Variants in PLB1 observed in about 807,000 individuals in gnomAD.
The protein encoded by PLB1 is phospholipase B1, also known as phospholipase B1, membrane-associated.
PLB1 carries 242 observed loss-of-function variants against 227.4 expected under a neutral mutation model. That is an observed-to-expected ratio of 1.06 (90% confidence interval 0.96 to 1.18). The LOEUF is 1.18. Ranked by LOEUF, PLB1 falls within the 50% of genes most tolerant of loss-of-function variation. The probability of loss-of-function intolerance (pLI) is 0.00; values close to 1 mark genes in which losing one functional copy is unlikely to be tolerated. For synonymous variants in PLB1, 757 were observed against 682.2 expected (o/e 1.11, Z -1.71); for missense variants, 1,858 against 1,816.3 (o/e 1.02, Z -0.42).
Position 28,598,756 on chromosome 2 carries a change from G to A in PLB1, c.2470G>A (p.Ala824Thr), listed in dbSNP as rs755652530. 6.2e-7 allele frequency: 1 copy of A among 1,612,234 alleles called. No individual in the cohort carries two copies. Among genetic ancestry groups the A allele is most frequent in the Non-Finnish European group, 8.5e-7 (1 of 1,178,180 alleles). ...FLNQAVPGAK[A>T]EDLMSQVQTL... ...CAATCAAGCTGTTCCCGGAGCAAAG[G>A]CTGAGTATGGCATTTGGGGAGGGAG... The change falls in exon 35 of 58, where the codon GCT becomes ACT. Residue 824 changes from alanine to threonine, a missense_variant. Ala to Thr is a moderately conservative substitution (Grantham distance 58, BLOSUM62 0). Coordinates refer to ENST00000327757, the MANE Select transcript of PLB1 (RefSeq NM_153021.5).
At chr2:28,600,763 T>A in intron 35 of PLB1, 46 bp from the exon 36 acceptor site, 1 of 1,590,434 alleles carries the variant, frequency 6.3e-7, no homozygotes. Flanking sequence ...AGGAAAACTA[T>A]GGGCACTGTT....
intron 4 of PLB1, among the ~76,000 whole-genome samples, chr2:28,522,903 T>A (rs905214947): frequency 6.6e-5 from 10 of 152,174 alleles, no homozygotes; most frequent in Admixed American, 3.3e-4. Flanking sequence ...GGTGTGTATT[T>A]TAAAAGCTAG....
intron 44 of PLB1, 132 bp downstream of exon 44, chr2:28,614,228 T>C (rs1227031932): frequency 1.1e-6 from 1 of 928,302 alleles, no homozygotes; most frequent in Non-Finnish European, 1.7e-6. Flanking sequence ...GATTGGAATG[T>C]ACAGAAAAGG....
intron 56 of PLB1, among the ~76,000 whole-genome samples, chr2:28,640,332 G>C (rs1311259129): frequency 6.6e-6 from 1 of 152,156 alleles, no homozygotes; most frequent in African/African-American, 2.4e-5. Context: ...AGGGTCCTGG[G>C]ATCAAAGGTA....
chr2:28,572,635 G>T (rs1678203780), intron 20 of PLB1, among the ~76,000 whole-genome samples: 1 of 152,206 alleles, frequency 6.6e-6, no homozygotes, highest in Admixed American at 6.5e-5. Flanking sequence ...TACGCTAAGG[G>T]AAAGAGGCCA....
chr2:28,582,268 A>G, intron 24 of PLB1, 135 bp downstream of exon 24: 3 of 1,216,150 alleles, frequency 2.5e-6, no homozygotes, highest in Admixed American at 3.9e-5. Flanking sequence ...GAGGGGGAGC[A>G]GGGACGGGTG....
At chr2:28,547,989 A>G (rs1354978759) in intron 14 of PLB1, among the ~76,000 whole-genome samples, 1 of 151,954 alleles carries the variant, frequency 6.6e-6, no homozygotes, top group African/African-American at 2.4e-5. Flanking sequence ...ATTAGATGTC[A>G]TTTGATGGCC....
intron 5 of PLB1, 92 bp downstream of exon 5, chr2:28,525,399 A>T: frequency 7.1e-7 from 1 of 1,398,754 alleles, no homozygotes; most frequent in Non-Finnish European, 9.9e-7. Context: ...ATTGGAGGCC[A>T]GGGAGGCTCA....
intron 34 of PLB1, 151 bp from the exon 35 acceptor site, chr2:28,598,501 G>A: frequency 1.5e-6 from 1 of 654,550 alleles, no homozygotes; most frequent in Admixed American, 2.5e-5. Flanking sequence ...CCCAGCTTAT[G>A]TCCAGGACAC....
intron 1 of PLB1, among the ~76,000 whole-genome samples, chr2:28,499,540 A>G (rs1162087421): frequency 7.3e-6 from 1 of 137,050 alleles, no homozygotes; most frequent in African/African-American, 2.7e-5. Flanking sequence ...TTTTTTTTTT[A>G]AAGAGGTGAT....
At chr2:28,615,414 T>C (rs1028864734) in intron 44 of PLB1, among the ~76,000 whole-genome samples, 2 of 152,184 alleles carry the variant, frequency 1.3e-5, no homozygotes, top group African/African-American at 2.4e-5. Flanking sequence ...CTGACTGCTA[T>C]GTGTAGAATG....
intron 26 of PLB1, among the ~76,000 whole-genome samples, chr2:28,586,145 A>T (rs1206624409): frequency 6.6e-6 from 1 of 152,168 alleles, no homozygotes. Flanking sequence ...TTCAGAGTGG[A>T]TCTATCCAGA....
At position 28,550,010 on chromosome 2, in the gene PLB1, G is replaced by T. The variant is rs1303412909; in HGVS notation, c.1009G>T (p.Glu337Ter). The change falls in exon 16 of 58, where the codon GAG becomes TAG. Residue 337 changes from glutamate (E) to a stop codon, truncating the protein, a stop_gained and splice_region_variant. Coordinates refer to ENST00000327757, the MANE Select transcript of PLB1 (RefSeq NM_153021.5). LOFTEE classifies it high-confidence loss of function. Reference sequence around the variant, plus strand: ...TCCAACATGTCACCTTTCCCTGCAGGAGAGCCCCTATCTGTTCAGCTACAG... The same window carrying T: ...TCCAACATGTCACCTTTCCCTGCAGTAGAGCCCCTATCTGTTCAGCTACAG... ...HGRPMKCPSQ[E>*]SPYLFSYRNS... The T allele has an allele frequency of 5.6e-6, 9 of 1,612,044 alleles. No homozygotes were observed. The highest frequency in any genetic ancestry group is 7.6e-6 in the Non-Finnish European group (9 of 1,178,474).
chr2:28,519,799 GT>G (rs1306302341), intron 4 of PLB1, 36 bp downstream of exon 4: 2 of 1,551,508 alleles, frequency 1.3e-6, no homozygotes, highest in Admixed American at 3.3e-5. Context: ...AGGAGACAGA[GT>G]TTGGTACTGA....
At chr2:28,509,989 T>A (rs1229995295) in intron 1 of PLB1, among the ~76,000 whole-genome samples, 1 of 152,116 alleles carries the variant, frequency 6.6e-6, no homozygotes, top group East Asian at 1.9e-4. Context: ...AACATTTAGA[T>A]CCCAGGAACG....
At chr2:28,604,369 G>A (rs7585179) in intron 40 of PLB1, among the ~76,000 whole-genome samples, 14,205 of 152,258 alleles carry the variant, frequency 0.093, 745 homozygotes, top group Middle Eastern at 0.13. Flanking sequence ...CCAAAGGCAG[G>A]TGCCGAGCCT....
chr2:28,558,520 C>T (rs1261628261), intron 17 of PLB1, among the ~76,000 whole-genome samples: 1 of 152,150 alleles, frequency 6.6e-6, no homozygotes, highest in African/African-American at 2.4e-5. Flanking sequence ...TTTTAAAGTT[C>T]TCCTGCACAG....
intron 9 of PLB1, among the ~76,000 whole-genome samples, chr2:28,537,765 C>T (rs746647189): frequency 6.7e-6 from 1 of 149,588 alleles, no homozygotes; most frequent in African/African-American, 2.5e-5. Flanking sequence ...GTGTTGGGTG[C>T]GTGGGAGATG....
intron 9 of PLB1, among the ~76,000 whole-genome samples, chr2:28,537,152 C>CAGGGACAGCCGGTGAAGGGGCAG (rs1442777224): frequency 4.3e-4 from 65 of 152,264 alleles, no homozygotes; most frequent in African/African-American, 1.4e-3. Context: ...CACACCAAAG[C>CAGGGACAGCCGGTGAAGGGGCAG]AGGGACAGCC....
Sources: allele counts gnomAD v4.1 joint callset (sites outside exome capture counted in the v4.1 genomes callset), GRCh38; gene constraint gnomAD v4.1.1; transcripts MANE v1.5; gene names NCBI Gene and HGNC (gene_info 2026-07-23, HGNC 2026-07-21).